NMBR: variants seen among roughly 807,000 people sequenced by gnomAD.
NMBR encodes neuromedin B receptor.
Under a neutral mutation model 20.5 loss-of-function variants are expected in NMBR, and 16 were observed. The observed-to-expected ratio is 0.78, with a 90% CI of 0.53 to 1.19. The LOEUF (loss-of-function observed/expected upper bound fraction) is 1.19. Ranked by LOEUF, NMBR falls within the 50% of genes most tolerant of loss-of-function variation. The probability of loss-of-function intolerance (pLI) is 0.00; values close to 1 mark genes in which losing one functional copy is unlikely to be tolerated. For synonymous variants in NMBR, 212 were observed against 196.6 expected (o/e 1.08, Z -0.65); for missense variants, 582 against 499.1 (o/e 1.17, Z -1.58).
At chr6:142,108,997 GGGGCTACA>G (rs1777711761) in intron 1 of NMBR, among the ~76,000 whole-genome samples, 1 of 152,138 alleles carries the variant, frequency 6.6e-6, no homozygotes, top group African/African-American at 2.4e-5. Context: ...CCAAAACAAA[GGGGCTACA>G]GGCCCCATGC....
At chr6:142,102,389 CA>C (rs534698007) in intron 1 of NMBR, among the ~76,000 whole-genome samples, 3,915 of 76,486 alleles carry the variant, frequency 0.051, 114 homozygotes, top group African/African-American at 0.19. Flanking sequence ...CACTCTGTCT[CA>C]AAAAAAAAAA....
intron 1 of NMBR, among the ~76,000 whole-genome samples, chr6:142,131,911 A>G (rs1778150188): frequency 6.6e-6 from 1 of 152,214 alleles, no homozygotes; most frequent in Non-Finnish European, 1.5e-5. Context: ...CCAAAGCACT[A>G]TTCCTTCTTA....
At chr6:142,078,492 A>G (rs1776998010) in intron 3 of NMBR, 63 bp downstream of exon 3, 1 of 934,658 alleles carries the variant, frequency 1.1e-6, no homozygotes, top group Non-Finnish European at 1.6e-6. Context: ...CCACAAAATA[A>G]AACAATAAAT....
At chr6:142,140,438 A>G (rs1265141037) in intron 1 of NMBR, among the ~76,000 whole-genome samples, 1 of 152,168 alleles carries the variant, frequency 6.6e-6, no homozygotes, top group African/African-American at 2.4e-5. Context: ...CAAACAAACA[A>G]AATTAACTGG....
chr6:142,138,560 A>T (rs1233912036), intron 1 of NMBR, among the ~76,000 whole-genome samples: 4 of 152,152 alleles, frequency 2.6e-5, no homozygotes, highest in Non-Finnish European at 2.9e-5. Flanking sequence ...CAAATAAAGG[A>T]TATTTATTGA....
intron 1 of NMBR, among the ~76,000 whole-genome samples, chr6:142,125,081 T>C (rs1332335705): frequency 6.6e-6 from 1 of 151,858 alleles, no homozygotes; most frequent in African/African-American, 2.4e-5. Flanking sequence ...CAGAAAGATG[T>C]GAATTGGCTA....
At chr6:142,079,101 AG>A (rs1777032486) in intron 2 of NMBR, among the ~76,000 whole-genome samples, 198 bp from the exon 3 acceptor site, 1 of 67,124 alleles carries the variant, frequency 1.5e-5, no homozygotes, top group African/African-American at 1.2e-4. Flanking sequence ...AGAAAGAGAG[AG>A]AGAGAAAGAA....
chr6:142,096,133 T>A (rs983281752), intron 1 of NMBR, among the ~76,000 whole-genome samples: 2 of 152,190 alleles, frequency 1.3e-5, no homozygotes, highest in African/African-American at 4.8e-5. Context: ...TTTGAAGGGT[T>A]TTTTGTGTCT....
chr6:142,125,508 C>CATCTGCATGCAT (rs1407324433), intron 1 of NMBR, among the ~76,000 whole-genome samples: 1 of 151,804 alleles, frequency 6.6e-6, no homozygotes. Context: ...TACACATATA[C>CATCTGCATGCAT]ATACATACAC....
intron 1 of NMBR, among the ~76,000 whole-genome samples, chr6:142,093,166 T>C (rs1777364715): frequency 1.3e-5 from 2 of 151,996 alleles, no homozygotes; most frequent in Admixed American, 1.3e-4. Flanking sequence ...TTTTTTTTAA[T>C]TATTCTTTAA....
At chr6:142,093,892 T>C (rs1373796195) in intron 1 of NMBR, among the ~76,000 whole-genome samples, 3 of 152,124 alleles carry the variant, frequency 2.0e-5, no homozygotes, top group Admixed American at 2.0e-4. Context: ...TTTGCATTTC[T>C]CTGATGGCCA....
rs940683547 is a variant in NMBR at position 142,075,410 on chromosome 6, C to CAT, written c.*236_*237dup. Among the ~76,000 whole-genome samples the CAT allele has an allele frequency of 3.9e-4, 59 of 151,948 alleles. No homozygotes were observed. Among genetic ancestry groups the CAT allele is most frequent in the African/African-American group, 1.4e-3 (59 of 41,404 alleles). On this transcript the variant is annotated 3_prime_UTR_variant, in exon 4 of 4. Coordinates refer to ENST00000258042, the MANE Select transcript of NMBR (RefSeq NM_002511.4). ...GTGTGTACATGTGTGTGTGCAAATA[C>CAT]ATATATATACATATATGTATTATAT... is the stretch of plus-strand genomic sequence containing the variant.
At chr6:142,125,501 A>T (rs1778015272) in intron 1 of NMBR, among the ~76,000 whole-genome samples, 1 of 151,926 alleles carries the variant, frequency 6.6e-6, no homozygotes, top group African/African-American at 2.4e-5. Context: ...ATGCATATAC[A>T]CATATACATA....
At chr6:142,087,061 T>C (rs1455168949) in intron 2 of NMBR, among the ~76,000 whole-genome samples, 2 of 152,156 alleles carry the variant, frequency 1.3e-5, no homozygotes, top group African/African-American at 4.8e-5. Context: ...AGGTACATAA[T>C]TTATACAAAA....
At position 142,143,317 on chromosome 6, in the gene NMBR, C is replaced by A. The variant is rs188675702; in HGVS notation, c.-664+3727G>T. 1.4e-3 allele frequency among the ~76,000 whole-genome samples: 213 copies of A among 152,338 alleles called. 2 individuals carry two copies. Among genetic ancestry groups the A allele is most frequent in the African/African-American group, 4.7e-3 (197 of 41,580 alleles). On this transcript the variant is annotated intron_variant, in intron 1 of 3. Transcript: ENST00000258042. ...TTTTATTTTTTGAGACGGAGTCTCG[C>A]TCTGTCGCCCAGGCTGGAGTGCAGT...
chr6:142,121,087 T>C (rs1441302339), intron 1 of NMBR, among the ~76,000 whole-genome samples: 1 of 151,968 alleles, frequency 6.6e-6, no homozygotes, highest in African/African-American at 2.4e-5. Context: ...ACATCTTTTA[T>C]GATGATCTGT....
At chr6:142,124,225 G>C (rs1167516230) in intron 1 of NMBR, among the ~76,000 whole-genome samples, 1 of 151,914 alleles carries the variant, frequency 6.6e-6, no homozygotes, top group Non-Finnish European at 1.5e-5. Flanking sequence ...AGACTTGTTA[G>C]GTAATTTTTC....
intron 2 of NMBR, 124 bp downstream of exon 2, chr6:142,088,113 T>G: frequency 1.1e-6 from 1 of 894,510 alleles, no homozygotes; most frequent in Non-Finnish European, 1.7e-6. Flanking sequence ...TCTCTCCCTC[T>G]CTTCCTCTCC....
chr6:142,108,317 T>C (rs1777695929), intron 1 of NMBR, among the ~76,000 whole-genome samples: 1 of 151,974 alleles, frequency 6.6e-6, no homozygotes, highest in African/African-American at 2.4e-5. Flanking sequence ...GATAAAATAA[T>C]AAAAGCAGCA....
Sources: allele counts gnomAD v4.1 joint callset (sites outside exome capture counted in the v4.1 genomes callset), GRCh38; gene constraint gnomAD v4.1.1; transcripts MANE v1.5; gene names NCBI Gene and HGNC (gene_info 2026-07-23, HGNC 2026-07-21).